GABRG3: variants seen among roughly 807,000 people sequenced by gnomAD.
GABRG3 encodes gamma-aminobutyric acid receptor subunit gamma-3.
In GABRG3, 25 loss-of-function variants were observed where a neutral mutation model predicts 48.8. That is an observed-to-expected ratio of 0.51 (90% confidence interval 0.37 to 0.72). The LOEUF is 0.72. Among genes scored for constraint, GABRG3 ranks in the 30% least tolerant of loss-of-function variants. The pLI is 0.00. For missense variants in GABRG3, 394 were observed against 577.9 expected (o/e 0.68, Z 3.26); for synonymous variants, 227 against 217.6 (o/e 1.04, Z -0.38).
intron 1 of GABRG3, among the ~76,000 whole-genome samples, chr15:26,972,863 G>A (rs1467455028): frequency 6.6e-6 from 1 of 152,144 alleles, no homozygotes; most frequent in Non-Finnish European, 1.5e-5. Flanking sequence ...TGTGGAAGCC[G>A]ACTCCACCGG....
chr15:27,463,753 G>C (rs1003195557), intron 5 of GABRG3, among the ~76,000 whole-genome samples: 1 of 152,132 alleles, frequency 6.6e-6, no homozygotes, highest in Admixed American at 6.5e-5. Context: ...TGCTCCTTTG[G>C]GGGTGCCATG....
chr15:27,257,790 G>A (rs1191443021), intron 3 of GABRG3, among the ~76,000 whole-genome samples: 1 of 151,562 alleles, frequency 6.6e-6, no homozygotes, highest in East Asian at 1.9e-4. Context: ...CTGGGACTAT[G>A]TGCATGCACC....
At chr15:27,264,581 G>T (rs192222652) in intron 3 of GABRG3, among the ~76,000 whole-genome samples, 1 of 146,506 alleles carries the variant, frequency 6.8e-6, no homozygotes, top group African/African-American at 2.5e-5. Context: ...TCACATCCTC[G>T]TCAAAAAATT....
intron 5 of GABRG3, among the ~76,000 whole-genome samples, chr15:27,374,832 G>C (rs1035297143): frequency 2.0e-5 from 3 of 152,148 alleles, no homozygotes; most frequent in Admixed American, 2.0e-4. Context: ...GGAAACTGTA[G>C]GAGAGAAGGG....
intron 5 of GABRG3, among the ~76,000 whole-genome samples, chr15:27,416,745 T>C (rs1342051729): frequency 2.0e-5 from 3 of 152,130 alleles, no homozygotes; most frequent in Non-Finnish European, 4.4e-5. Context: ...TCTGCCCCGG[T>C]AAATTGCGGT....
chr15:27,045,615 G>A (rs1295400455), intron 3 of GABRG3, among the ~76,000 whole-genome samples: 2 of 152,224 alleles, frequency 1.3e-5, no homozygotes, highest in African/African-American at 4.8e-5. Context: ...GGCATCAGCA[G>A]TTGCTCTGCC....
chr15:27,455,648 G>A (rs1426763304), intron 5 of GABRG3, among the ~76,000 whole-genome samples: 1 of 150,672 alleles, frequency 6.6e-6, no homozygotes, highest in Non-Finnish European at 1.5e-5. Flanking sequence ...GGTGGTTTGT[G>A]TGTGTGATGT....
At position 27,116,346 on chromosome 15, in the gene GABRG3, G is replaced by A. The variant is rs77836989; in HGVS notation, c.270+89525G>A. 2.7e-3 allele frequency among the ~76,000 whole-genome samples: 418 copies of A among 152,222 alleles called. 10 individuals are homozygous for A. In the East Asian group the frequency reaches 0.076, roughly 28 times the overall value. On this transcript the variant is annotated intron_variant, in intron 3 of 9. Coordinates refer to ENST00000615808, the MANE Select transcript of GABRG3 (RefSeq NM_033223.5). ...TTTTTCCGTAACAGTTACAATAATA[G>A]CCTTTATGATTTGACTTTTATATAT...
At chr15:27,233,842 T>C (rs905498576) in intron 3 of GABRG3, among the ~76,000 whole-genome samples, 1 of 152,244 alleles carries the variant, frequency 6.6e-6, no homozygotes, top group African/African-American at 2.4e-5. Flanking sequence ...TCAGGTTTTG[T>C]ATGTTTTCTA....
chr15:27,103,267 C>G (rs1178124758), intron 3 of GABRG3, among the ~76,000 whole-genome samples: 1 of 152,200 alleles, frequency 6.6e-6, no homozygotes, highest in Non-Finnish European at 1.5e-5. Flanking sequence ...TCAGGAATGA[C>G]TCTATTTTGT....
intron 5 of GABRG3, among the ~76,000 whole-genome samples, chr15:27,429,041 A>C (rs1047151220): frequency 1.3e-5 from 2 of 152,226 alleles, no homozygotes. Context: ...ATACATATAG[A>C]TAAGGTTCAA....
intron 3 of GABRG3, among the ~76,000 whole-genome samples, chr15:27,178,051 A>AG (rs200438208): frequency 0.024 from 3,618 of 152,192 alleles, 144 homozygotes; most frequent in African/African-American, 0.081. Context: ...TCAGGTATTG[A>AG]GGGGGGTCAG....
At chr15:27,366,655 G>A (rs982939564) in intron 5 of GABRG3, among the ~76,000 whole-genome samples, 2 of 152,054 alleles carry the variant, frequency 1.3e-5, no homozygotes, top group African/African-American at 4.8e-5. Context: ...GGTGAGAGGA[G>A]TCCTGGTCCT....
At chr15:27,515,607 G>A (rs896751557) in intron 6 of GABRG3, among the ~76,000 whole-genome samples, 3 of 152,246 alleles carry the variant, frequency 2.0e-5, no homozygotes, top group South Asian at 2.1e-4. Flanking sequence ...GGGTTGGGAG[G>A]ATGGGCAAGA....
intron 5 of GABRG3, among the ~76,000 whole-genome samples, chr15:27,478,744 AAGATCTATC>A (rs1172594859): frequency 6.6e-6 from 1 of 152,334 alleles, no homozygotes; most frequent in East Asian, 1.9e-4. Flanking sequence ...ACTCAACCAA[AAGATCTATC>A]AACTGATGAA....
At chr15:27,403,319 G>GA (rs1887528272) in intron 5 of GABRG3, among the ~76,000 whole-genome samples, 1 of 152,080 alleles carries the variant, frequency 6.6e-6, no homozygotes, top group African/African-American at 2.4e-5. Context: ...TTGGAATTCA[G>GA]AAAAAGGAAG....
chr15:27,440,371 A>G (rs1888747728), intron 5 of GABRG3, among the ~76,000 whole-genome samples: 1 of 152,242 alleles, frequency 6.6e-6, no homozygotes, highest in African/African-American at 2.4e-5. Context: ...GGTCTTCATC[A>G]GTGAACCTTT....
rs1194683315 is a variant in GABRG3 at position 27,540,263 on chromosome 15, TTC to T, written c.*7388_*7389del. 1.3e-5 allele frequency: 2 copies of T among 152,212 alleles called. No homozygotes were observed. Among genetic ancestry groups the T allele is most frequent in the African/African-American group, 4.8e-5 (2 of 41,452 alleles). The allele number at this position is 152,212 out of a possible 1,614,324, so 9.4% of individuals were successfully genotyped here. A position where few individuals can be genotyped will look rare whatever the true frequency, so the allele number is the denominator to read the frequency against. Reference sequence around the variant, plus strand: ...ATTCAATTGTTGTTTGTTGATTGCTTTCTCTCTTTTTTTTTCCGTTTTTACCT... The same window carrying T: ...ATTCAATTGTTGTTTGTTGATTGCTTTCTCTTTTTTTTTCCGTTTTTACCT... On this transcript the variant is annotated 3_prime_UTR_variant, in exon 10 of 10. Coordinates refer to ENST00000615808, the MANE Select transcript of GABRG3 (RefSeq NM_033223.5).
intron 6 of GABRG3, among the ~76,000 whole-genome samples, chr15:27,500,907 A>C (rs1195344708): frequency 6.7e-6 from 1 of 149,994 alleles, no homozygotes; most frequent in Non-Finnish European, 1.5e-5. Context: ...ATGACGTTAG[A>C]TTTAGCCTGG....
Sources: gnomAD v4.1 joint callset for allele counts (sites outside exome capture counted in the v4.1 genomes callset) on GRCh38, gnomAD v4.1.1 for gene constraint, MANE v1.5 for transcripts, NCBI Gene and HGNC (gene_info 2026-07-23, HGNC 2026-07-21) for gene names.